The following ZBTB8A variants were observed in gnomAD, a reference collection of about 807,000 sequenced individuals.
ZBTB8A encodes the protein zinc finger and BTB domain containing 8A.
In ZBTB8A, 19 loss-of-function variants were observed where a neutral mutation model predicts 37.8. The ratio of observed to expected loss-of-function variants is 0.50; its 90% CI spans 0.35 to 0.74. The LOEUF (loss-of-function observed/expected upper bound fraction) is 0.74. Among genes scored for constraint, ZBTB8A ranks in the 30% least tolerant of loss-of-function variants. ZBTB8A has a pLI of 0.01. For synonymous variants in ZBTB8A, 181 were observed against 185.2 expected (o/e 0.98, Z 0.19); for missense variants, 394 against 537.8 (o/e 0.73, Z 2.65).
At chr1:32,548,462 G>A (rs1189431268) in intron 1 of ZBTB8A, among the ~76,000 whole-genome samples, 2 of 152,030 alleles carry the variant, frequency 1.3e-5, no homozygotes, top group South Asian at 2.1e-4. Flanking sequence ...AGCCTCCTAA[G>A]TAGCTGGGAT....
chr1:32,568,907 T>C (rs1218599100), intron 2 of ZBTB8A, among the ~76,000 whole-genome samples: 2 of 152,234 alleles, frequency 1.3e-5, no homozygotes, highest in Non-Finnish European at 2.9e-5. Flanking sequence ...GGGGCTAATA[T>C]GAACAAAGCT....
intron 2 of ZBTB8A, among the ~76,000 whole-genome samples, chr1:32,554,031 C>A (rs770228665): frequency 1.8e-4 from 28 of 151,774 alleles, no homozygotes; most frequent in Non-Finnish European, 3.8e-4. Flanking sequence ...AAAACCCCAT[C>A]TCTATTAAAA....
intron 2 of ZBTB8A, among the ~76,000 whole-genome samples, chr1:32,554,281 ACTGT>A (rs980144448): frequency 1.0e-4 from 15 of 150,406 alleles, no homozygotes; most frequent in African/African-American, 3.4e-4. Flanking sequence ...TTGGAAATTC[ACTGT>A]CTAAGATGTT....
chr1:32,590,128 C>T (rs901657787), intron 2 of ZBTB8A, among the ~76,000 whole-genome samples: 8 of 150,770 alleles, frequency 5.3e-5, no homozygotes, highest in African/African-American at 2.0e-4. Flanking sequence ...AGATGGGGAT[C>T]TTACCATGTT....
intron 4 of ZBTB8A, among the ~76,000 whole-genome samples, chr1:32,599,410 G>A (rs1242709169): frequency 5.3e-5 from 8 of 151,952 alleles, no homozygotes; most frequent in Admixed American, 4.0e-4. Flanking sequence ...GTGACAGAGC[G>A]AGACCCTATT....
At chr1:32,580,761 G>T (rs918509411) in intron 2 of ZBTB8A, among the ~76,000 whole-genome samples, 1 of 151,912 alleles carries the variant, frequency 6.6e-6, no homozygotes, top group Non-Finnish European at 1.5e-5. Flanking sequence ...CCACAGACTG[G>T]GTAATTTATA....
chr1:32,562,769 G>A (rs181132916), intron 2 of ZBTB8A, among the ~76,000 whole-genome samples: 272 of 151,644 alleles, frequency 1.8e-3, no homozygotes, highest in Non-Finnish European at 3.0e-3. Flanking sequence ...TTTTAGTAGA[G>A]ACGGGGTTTC....
chr1:32,597,903 G>A (rs1201151868), intron 4 of ZBTB8A, among the ~76,000 whole-genome samples: 2 of 150,564 alleles, frequency 1.3e-5, no homozygotes, highest in African/African-American at 2.4e-5. Context: ...GCACATATCC[G>A]GCTAATTTTT....
intron 2 of ZBTB8A, among the ~76,000 whole-genome samples, chr1:32,573,243 T>A (rs1263207350): frequency 2.0e-5 from 3 of 150,090 alleles, no homozygotes; most frequent in Non-Finnish European, 4.5e-5. Context: ...GCTAATTTTT[T>A]TTTTTTTTTT....
intron 2 of ZBTB8A, among the ~76,000 whole-genome samples, chr1:32,575,784 C>G (rs1644355716): frequency 6.6e-6 from 1 of 152,002 alleles, no homozygotes; most frequent in Admixed American, 6.6e-5. Flanking sequence ...GCCAGGAGTT[C>G]AAGGTTACGG....
At chr1:32,552,015 T>A (rs1644160565) in intron 1 of ZBTB8A, among the ~76,000 whole-genome samples, 1 of 152,322 alleles carries the variant, frequency 6.6e-6, no homozygotes, top group African/African-American at 2.4e-5. Flanking sequence ...TGGTATCATC[T>A]GCTGGCCTGC....
chr1:32,554,644 A>G (rs1323202506), intron 2 of ZBTB8A, among the ~76,000 whole-genome samples: 1 of 151,838 alleles, frequency 6.6e-6, no homozygotes, highest in African/African-American at 2.4e-5. Context: ...AAGCCTGGCT[A>G]ATTTATGTAT....
At chr1:32,569,386 CTTTTT>C (rs563715372) in intron 2 of ZBTB8A, among the ~76,000 whole-genome samples, 2 of 82,304 alleles carry the variant, frequency 2.4e-5, no homozygotes, top group South Asian at 4.2e-4. Context: ...TTTTCCTTTC[CTTTTT>C]TTTTTTTTTT....
At chr1:32,591,439 A>T (rs949269852) in intron 2 of ZBTB8A, among the ~76,000 whole-genome samples, 2 of 151,772 alleles carry the variant, frequency 1.3e-5, no homozygotes, top group African/African-American at 2.4e-5. Flanking sequence ...GGCTGGTCTC[A>T]CACTCCTGGG....
At chr1:32,541,250 A>C (rs1265807246) in intron 1 of ZBTB8A, among the ~76,000 whole-genome samples, 1 of 152,160 alleles carries the variant, frequency 6.6e-6, no homozygotes, top group Non-Finnish European at 1.5e-5. Context: ...ATAATAGTCT[A>C]TGCAGCCTTA....
chr1:32,580,025 G>C (rs1382691572), intron 2 of ZBTB8A, among the ~76,000 whole-genome samples: 4 of 152,006 alleles, frequency 2.6e-5, no homozygotes, highest in African/African-American at 9.7e-5. Flanking sequence ...TAATAGTATT[G>C]ATATTTTCCT....
At chr1:32,585,027 C>CAT (rs1644436391) in intron 2 of ZBTB8A, among the ~76,000 whole-genome samples, 1 of 105,620 alleles carries the variant, frequency 9.5e-6, no homozygotes, top group Admixed American at 1.0e-4. Flanking sequence ...TTTCAGATTT[C>CAT]TTTTTTTTTT....
At chr1:32,586,884 T>TA in intron 2 of ZBTB8A, among the ~76,000 whole-genome samples, 1 of 152,246 alleles carries the variant, frequency 6.6e-6, no homozygotes, top group African/African-American at 2.4e-5. Context: ...TGATTTCACT[T>TA]ACGTTTTAGA....
intron 2 of ZBTB8A, among the ~76,000 whole-genome samples, chr1:32,583,410 G>A (rs1236845214): frequency 1.3e-5 from 2 of 148,678 alleles, no homozygotes; most frequent in South Asian, 4.3e-4. Context: ...GTCAGGTTAA[G>A]TGACTGAATC....
Sources: allele counts gnomAD v4.1 joint callset (sites outside exome capture counted in the v4.1 genomes callset), GRCh38; gene constraint gnomAD v4.1.1; transcripts MANE v1.5; gene names NCBI Gene and HGNC (gene_info 2026-07-23, HGNC 2026-07-21).